The following AGT variants were observed in gnomAD, a reference collection of about 807,000 sequenced individuals.
AGT encodes angiotensinogen.
AGT carries 26 observed loss-of-function variants against 28.1 expected under a neutral mutation model. The ratio of observed to expected loss-of-function variants is 0.92; its 90% confidence interval spans 0.68 to 1.28. The LOEUF is 1.28. Ranked by LOEUF, AGT falls within the 50% of genes most tolerant of loss-of-function variation. The pLI is 0.00. For synonymous variants in AGT, 259 were observed against 259.6 expected, an observed-to-expected ratio of 1.00 and a Z score of 0.02; for missense variants, 596 against 592.3, an observed-to-expected ratio of 1.01 and a Z score of -0.06.
chr1:230,719,404 A>ATGTTTTTTTTGTTTGTTTGTTTT (rs372365566), upstream of AGT, among the ~76,000 whole-genome samples: 43 of 99,572 alleles, frequency 4.3e-4, 1 homozygote, highest in Admixed American at 1.3e-3. Context: ...TATTATCATT[A>ATGTTTTTTTTGTTTGTTTGTTTT]TGTTTTTTTT....
intron 1 of AGT, among the ~76,000 whole-genome samples, chr1:230,730,083 G>A (rs985299963): frequency 6.6e-6 from 1 of 151,938 alleles, no homozygotes; most frequent in Non-Finnish European, 1.5e-5. Context: ...GATCCGCCCG[G>A]CTAATTTTTG....
chr1:230,705,565 T>G (rs942111766), intron 3 of AGT, among the ~76,000 whole-genome samples: 8 of 152,138 alleles, frequency 5.3e-5, no homozygotes, highest in African/African-American at 1.7e-4. Flanking sequence ...TCCAAGAAGC[T>G]CTTGGATGTC....
At position 230,702,829 on chromosome 1, in the gene AGT, A is replaced by C. The variant is rs1431754101; in HGVS notation, c.*312T>G. ...TTTCACAAACAAGCTGGTCGGTTGG[A>C]ATTCTTTTTGGAACAGTAGTCCCGC... On this transcript the variant is annotated 3_prime_UTR_variant, in exon 5 of 5. Coordinates refer to ENST00000366667, the MANE Select transcript of AGT (RefSeq NM_001384479.1). The C allele has an allele frequency of 2.9e-6, 1 of 339,620 alleles. No homozygotes were observed. The highest frequency in any genetic ancestry group is 2.0e-5 in the African/African-American group (1 of 49,020). The allele number at this position is 339,620 out of a possible 1,614,324, so 21.0% of individuals were successfully genotyped here.
rs76335852 is a variant in AGT at position 230,735,075 on chromosome 1, G to A, written c.-31+10440C>T. On this transcript the variant is annotated intron_variant, in intron 1 of 4. Transcript: ENST00000681269. ...GTGTCTATCCCTGGAGGAGAGGGTC[G>A]CTCATCGCCTCCCCGTTGCTCATGG... 4.5e-4 allele frequency among the ~76,000 whole-genome samples: 68 copies of A among 152,192 alleles called. 2 individuals are homozygous for A. In the East Asian group the frequency reaches 9.3e-3, roughly 21 times the overall value.
intron 2 of AGT, among the ~76,000 whole-genome samples, chr1:230,706,641 G>A (rs1663395787): frequency 6.6e-6 from 1 of 152,154 alleles, no homozygotes; most frequent in African/African-American, 2.4e-5. Flanking sequence ...CGAGCAGAAA[G>A]TACAGAAAGT....
At chr1:230,709,363 G>A (rs74144810) in intron 2 of AGT, among the ~76,000 whole-genome samples, 37 of 151,760 alleles carry the variant, frequency 2.4e-4, no homozygotes, top group African/African-American at 8.2e-4. Flanking sequence ...GAGGCCAGGA[G>A]TTCAAGGCTA....
chr1:230,710,155 AG>A lies in AGT; in HGVS notation c.668del (p.Pro223LeufsTer27). ...AGTCCAGAGAGCGTGGGAGGACCAC[AG>A]GGGTATAGAGAGCCAGGCCCTGCAC... ...PFVQGLALYT[P>X]VVLPRSLDFT... On this transcript the variant is annotated frameshift_variant, in exon 2 of 5. Coordinates refer to ENST00000366667, the MANE Select transcript of AGT (RefSeq NM_001384479.1). LOFTEE classifies it high-confidence loss of function. 3 of 1,614,122 alleles carry A rather than the reference AG, an allele frequency of 1.9e-6. No homozygotes were observed. Among genetic ancestry groups the A allele is most frequent in the Non-Finnish European group, 2.5e-6 (3 of 1,180,028 alleles).
At chr1:230,739,904 G>C (rs927342245) in intron 1 of AGT, among the ~76,000 whole-genome samples, 1 of 152,166 alleles carries the variant, frequency 6.6e-6, no homozygotes, top group African/African-American at 2.4e-5. Context: ...ACGCAAGAAA[G>C]AATTCAGGAC....
chr1:230,726,119 A>G (rs549760809), intron 1 of AGT, among the ~76,000 whole-genome samples: 11 of 152,384 alleles, frequency 7.2e-5, no homozygotes, highest in Admixed American at 3.9e-4. Flanking sequence ...GCCAGAGCCA[A>G]CTTTGAATGG....
chr1:230,705,362 C>T (rs532480168), intron 3 of AGT, among the ~76,000 whole-genome samples: 55 of 152,264 alleles, frequency 3.6e-4, no homozygotes, highest in African/African-American at 1.3e-3. Flanking sequence ...TTCCAGGCCT[C>T]GATGATCTGG....
At chr1:230,723,371 C>G (rs1354212759) in intron 1 of AGT, among the ~76,000 whole-genome samples, 1 of 152,196 alleles carries the variant, frequency 6.6e-6, no homozygotes, top group Non-Finnish European at 1.5e-5. Context: ...TCTTAAATAG[C>G]ACAACCTTTA....
At chr1:230,732,423 G>A (rs1664085186) in intron 1 of AGT, among the ~76,000 whole-genome samples, 1 of 151,970 alleles carries the variant, frequency 6.6e-6, no homozygotes, top group African/African-American at 2.4e-5. Context: ...GGCTGGAATG[G>A]GATCAACCCC....
At position 230,704,314 on chromosome 1, in the gene AGT, T is replaced by TG; in HGVS notation, c.1120dup (p.Gln374ProfsTer9). ...GTCATAAGATCCTTGCAGCACCAGT[T>TG]GGGGCATGGTCAGGTGGATGGTCCT... is the stretch of plus-strand genomic sequence containing the variant. On this transcript the variant is annotated frameshift_variant, in exon 4 of 5. Transcript: ENST00000366667. LOFTEE classifies it high-confidence loss of function. The TG allele has an allele frequency of 1.9e-6, 3 of 1,614,176 alleles. No individual in the cohort carries two copies. The highest frequency in any genetic ancestry group is 2.5e-6 in the Non-Finnish European group (3 of 1,180,030).
At chr1:230,705,671 G>A (rs765585206) in intron 3 of AGT, among the ~76,000 whole-genome samples, 3 of 152,264 alleles carry the variant, frequency 2.0e-5, no homozygotes, top group East Asian at 1.9e-4. Context: ...CCAGGCAAGT[G>A]TAAGTGTAGA....
chr1:230,723,808 T>C (rs543263643), intron 1 of AGT, among the ~76,000 whole-genome samples: 1 of 152,354 alleles, frequency 6.6e-6, no homozygotes, highest in Admixed American at 6.5e-5. Context: ...CCACAGGGTA[T>C]TGAGCTCCTC....
intron 1 of AGT, among the ~76,000 whole-genome samples, chr1:230,720,541 G>A (rs946575286): frequency 6.6e-6 from 1 of 152,194 alleles, no homozygotes. Flanking sequence ...CCTCCAAGCT[G>A]AAGACAGTTT....
chr1:230,708,801 C>T (rs1485498750), intron 2 of AGT, among the ~76,000 whole-genome samples: 1 of 152,192 alleles, frequency 6.6e-6, no homozygotes, highest in Non-Finnish European at 1.5e-5. Flanking sequence ...ATCCTCCCTG[C>T]CTCCAGTCTG....
chr1:230,720,724 C>T (rs1663826264), intron 1 of AGT, among the ~76,000 whole-genome samples: 1 of 152,160 alleles, frequency 6.6e-6, no homozygotes, highest in Non-Finnish European at 1.5e-5. Context: ...AGAGTCTTTG[C>T]TTTAACCTTT....
At chr1:230,709,054 C>T (rs774017531) in intron 2 of AGT, among the ~76,000 whole-genome samples, 32 of 152,224 alleles carry the variant, frequency 2.1e-4, no homozygotes, top group Non-Finnish European at 4.0e-4. Context: ...GGCCTGCTCT[C>T]CGCTCCCCAG....
Sources: gnomAD v4.1 joint callset for allele counts (sites outside exome capture counted in the v4.1 genomes callset) on GRCh38, gnomAD v4.1.1 for gene constraint, MANE v1.5 for transcripts, NCBI Gene and HGNC (gene_info 2026-07-23, HGNC 2026-07-21) for gene names.